CDK5RAP2: variants seen among roughly 807,000 people sequenced by gnomAD.
The protein encoded by CDK5RAP2 is CDK5 regulatory subunit-associated protein 2.
A neutral mutation model predicts 232.9 loss-of-function variants in CDK5RAP2; 147 were observed. The observed-to-expected ratio is 0.63, with a 90% CI of 0.55 to 0.72. The LOEUF is 0.72. Among genes scored for constraint, CDK5RAP2 ranks in the 30% least tolerant of loss-of-function variants. CDK5RAP2 has a pLI of 0.00. For missense variants in CDK5RAP2, 2,195 were observed against 2,231.5 expected (o/e 0.98, Z 0.33); for synonymous variants, 833 against 833.7 (o/e 1.00, Z 0.01).
intron 14 of CDK5RAP2, among the ~76,000 whole-genome samples, chr9:120,481,165 T>A (rs989281079): frequency 6.6e-6 from 1 of 152,184 alleles, no homozygotes; most frequent in South Asian, 2.1e-4. Context: ...ATTTTAGAGA[T>A]GAGGAAACTG....
intron 25 of CDK5RAP2, among the ~76,000 whole-genome samples, chr9:120,428,861 A>C (rs2035093765): frequency 6.6e-6 from 1 of 152,244 alleles, no homozygotes; most frequent in Admixed American, 6.5e-5. Flanking sequence ...ATCCTCAATA[A>C]AATACTGGCA....
chr9:120,439,642 G>T lies in CDK5RAP2; in HGVS notation c.3479C>A (p.Pro1160His). The T allele has an allele frequency of 6.2e-7, 1 of 1,614,118 alleles. No individual in the cohort carries two copies. Among genetic ancestry groups the T allele is most frequent in the Non-Finnish European group, 8.5e-7 (1 of 1,180,022 alleles). ...TTCTTCCCCATCAGAACCATTCTTG[G>T]GCTTGCTCAAGCCATCCTGGGCCCC... ...TEGAQDGLSK[P>H]KNGSDGEEMT... The change falls in exon 24 of 38, where the codon CCC becomes CAC. Residue 1160 changes from proline (P) to histidine (H), a missense_variant. Coordinates refer to ENST00000349780, the MANE Select transcript of CDK5RAP2 (RefSeq NM_018249.6).
chr9:120,541,979 A>C (rs1431350625), intron 5 of CDK5RAP2, among the ~76,000 whole-genome samples: 1 of 152,206 alleles, frequency 6.6e-6, no homozygotes, highest in East Asian at 1.9e-4. Context: ...TGCCAGCCTC[A>C]CTACCCTTTT....
At chr9:120,520,824 A>C (rs1223056809) in intron 11 of CDK5RAP2, among the ~76,000 whole-genome samples, 1 of 150,996 alleles carries the variant, frequency 6.6e-6, no homozygotes, top group African/African-American at 2.4e-5. Context: ...TCTCATATAT[A>C]TCTCATATGA....
intron 11 of CDK5RAP2, among the ~76,000 whole-genome samples, chr9:120,524,163 T>C (rs796520682): frequency 2.2e-4 from 34 of 152,362 alleles, no homozygotes; most frequent in Middle Eastern, 3.4e-3. Context: ...AGTACTTACT[T>C]CATAGAGCTG....
chr9:120,471,781 C>T lies in CDK5RAP2; in HGVS notation c.1825G>A (p.Glu609Lys). ...LSYQNLRKTL[E>K]EQISEIRRRE... ...CTCCGAATTTCGCTGATCTGCTCCT[C>T]CAAGGTCTTCCGCAAATTCTGATAT... is the stretch of plus-strand genomic sequence containing the variant. Residue 609 changes from glutamate (E) to lysine (K), a missense_variant, in exon 16 of 38, where the codon GAG becomes AAG. By Grantham distance (56) the Glu-to-Lys change is moderately conservative. Coordinates refer to ENST00000349780, the MANE Select transcript of CDK5RAP2 (RefSeq NM_018249.6). 1 of 1,614,134 alleles carries T rather than the reference C, an allele frequency of 6.2e-7. No individual in the cohort carries two copies. The highest frequency in any genetic ancestry group is 8.5e-7 in the Non-Finnish European group (1 of 1,179,970).
At chr9:120,459,366 T>C (rs1374804286) in intron 19 of CDK5RAP2, among the ~76,000 whole-genome samples, 1 of 152,158 alleles carries the variant, frequency 6.6e-6, no homozygotes, top group Non-Finnish European at 1.5e-5. Flanking sequence ...CTTCTACCAG[T>C]CTATAAATAA....
intron 7 of CDK5RAP2, among the ~76,000 whole-genome samples, chr9:120,532,275 T>C (rs956282749): frequency 7.9e-5 from 12 of 152,196 alleles, no homozygotes; most frequent in African/African-American, 2.9e-4. Context: ...AAACAGATCA[T>C]ATCTGTTGGC....
chr9:120,507,936 AAAAAAAATATATATAT>A (rs2039899317), intron 12 of CDK5RAP2, among the ~76,000 whole-genome samples: 1 of 60,462 alleles, frequency 1.7e-5, no homozygotes, highest in African/African-American at 5.4e-5. Flanking sequence ...AAAAAAAAAA[AAAAAAAATATATATAT>A]ATATATATAT....
chr9:120,400,691 C>T (rs762907959), intron 35 of CDK5RAP2, 51 bp downstream of exon 35: 1 of 1,610,128 alleles, frequency 6.2e-7, no homozygotes, highest in East Asian at 2.2e-5. Flanking sequence ...GAAACTGAGA[C>T]ACAGGCCCCA....
At position 120,478,471 on chromosome 9, in the gene CDK5RAP2, C is replaced by T. The variant is rs987181506; in HGVS notation, c.1627-1021G>A. Among the ~76,000 whole-genome samples, 12 of 152,128 alleles carry T rather than the reference C, an allele frequency of 7.9e-5. 1 individual carries two copies. The highest frequency in any genetic ancestry group is 7.9e-4 in the Admixed American group (12 of 15,274). On this transcript the variant is annotated intron_variant, in intron 14 of 37. Transcript: ENST00000349780. ...AGAGATGTAATATACAGCATGATGA[C>T]TATATGTAACAATACCCTGGCCAGG...
intron 28 of CDK5RAP2, among the ~76,000 whole-genome samples, chr9:120,413,091 A>G (rs1277263847): frequency 6.6e-6 from 1 of 152,196 alleles, no homozygotes; most frequent in Non-Finnish European, 1.5e-5. Flanking sequence ...ACTGGACCCA[A>G]AATAGCACCA....
chr9:120,534,036 C>G (rs919906673), intron 7 of CDK5RAP2, among the ~76,000 whole-genome samples: 1 of 152,162 alleles, frequency 6.6e-6, no homozygotes, highest in African/African-American at 2.4e-5. Flanking sequence ...CAGTGTCAAT[C>G]CATTCCCCAA....
At chr9:120,473,292 C>T (rs866463232) in intron 15 of CDK5RAP2, among the ~76,000 whole-genome samples, 1 of 152,218 alleles carries the variant, frequency 6.6e-6, no homozygotes, top group East Asian at 1.9e-4. Context: ...CATCTAGCAT[C>T]TATGGTTCCC....
chr9:120,506,619 A>G (rs532321224), intron 12 of CDK5RAP2, among the ~76,000 whole-genome samples: 103 of 152,342 alleles, frequency 6.8e-4, no homozygotes, highest in African/African-American at 2.1e-3. Flanking sequence ...CCAACATTAC[A>G]GGAGTTTGGA....
At chr9:120,397,622 A>AG (rs1398161430) in intron 35 of CDK5RAP2, among the ~76,000 whole-genome samples, 1 of 151,784 alleles carries the variant, frequency 6.6e-6, no homozygotes, top group African/African-American at 2.4e-5. Context: ...TTAAAAAAAA[A>AG]GGCAGTAATT....
intron 21 of CDK5RAP2, among the ~76,000 whole-genome samples, chr9:120,449,198 C>A (rs1173591105): frequency 6.6e-6 from 1 of 152,160 alleles, no homozygotes; most frequent in East Asian, 1.9e-4. Flanking sequence ...TTAGCATATG[C>A]CGACTCCTTT....
chr9:120,407,138 T>C lies in CDK5RAP2; in HGVS notation c.4837A>G (p.Ser1613Gly), dbSNP rs2033504572. The part of the protein sequence containing the change: ...LQLERSIETS[S>G]TLQSRLKEQL... ...TCCTTGAGCCTGCTCTGCAGAGTGC[T>C]GCTGGTTTCGATGCTCCTTTCTAGT... The change falls in exon 32 of 38, where the codon AGC becomes GGC. Residue 1613 changes from serine (S) to glycine (G), a missense_variant. Transcript: ENST00000349780. The C allele has an allele frequency of 6.2e-7, 1 of 1,614,002 alleles. No homozygotes were observed. The highest frequency in any genetic ancestry group is 1.7e-5 in the Admixed American group (1 of 60,016).
rs758009123 is a variant in CDK5RAP2, at chr9:120,545,714, G to A, written c.383C>T (p.Ser128Phe). Residue 128 changes from serine (S) to phenylalanine (F), a missense_variant and splice_region_variant, in exon 5 of 38, where the codon TCC becomes TTC. By Grantham distance (155) the Ser-to-Phe change is radical (BLOSUM62 -2). Coordinates refer to ENST00000349780, the MANE Select transcript of CDK5RAP2 (RefSeq NM_018249.6). The stretch of plus-strand genomic sequence containing the variant: ...GCTTTCAACGGATGATGGTACTCAC[G>A]AGGCTTTGATGAGCAGCTGCTCTCT... ...QEREQLLIKA[S>F]KAVESLAEAG... 4.3e-6 allele frequency: 7 copies of A among 1,612,524 alleles called. No homozygotes were observed. The highest frequency in any genetic ancestry group is 2.2e-5 in the East Asian group (1 of 44,882).
Sources: gnomAD v4.1 joint callset for allele counts (sites outside exome capture counted in the v4.1 genomes callset) on GRCh38, gnomAD v4.1.1 for gene constraint, MANE v1.5 for transcripts, NCBI Gene and HGNC (gene_info 2026-07-23, HGNC 2026-07-21) for gene names.